EEF2: variants seen among roughly 807,000 people sequenced by gnomAD.
EEF2 encodes elongation factor 2.
A neutral mutation model predicts 85.3 loss-of-function variants in EEF2; 21 were observed. The ratio of observed to expected loss-of-function variants is 0.25; its 90% CI spans 0.17 to 0.35. EEF2 has a LOEUF of 0.35. EEF2 is among the 10% of genes least tolerant of loss of function. The pLI is 1.00. For missense variants in EEF2, 825 were observed against 1,225.3 expected (o/e 0.67, Z 4.88); for synonymous variants, 723 against 508.8 (o/e 1.42, Z -5.67).
intron 4 of EEF2, 161 bp downstream of exon 4, chr19:3,982,646 G>T: frequency 9.0e-7 from 1 of 1,106,572 alleles, no homozygotes; most frequent in Non-Finnish European, 1.3e-6. Flanking sequence ...AAAGATCAAG[G>T]GCTGGGTCAA....
chr19:3,984,500 C>A lies in EEF2; in HGVS notation c.4-150G>T, dbSNP rs1020035321. 6.4e-6 allele frequency: 5 copies of A among 777,034 alleles called. No individual in the cohort carries two copies. In the African/African-American group the frequency reaches 8.6e-5, roughly 13 times the overall value. 48.1% of individuals were successfully genotyped at this position (777,034 alleles called of 1,614,324 possible). On this transcript the variant is annotated intron_variant, in intron 1 of 14. Coordinates refer to ENST00000309311, the MANE Select transcript of EEF2 (RefSeq NM_001961.4). ...AGCCCACCGAATCTTGCCAGCCTAACACCCCTTAAGAGCCACCCCGCAATC... is the reference window on the plus strand; with the variant it reads ...AGCCCACCGAATCTTGCCAGCCTAAAACCCCTTAAGAGCCACCCCGCAATC...
chr19:3,979,105 C>A (rs1439084393), intron 11 of EEF2, among the ~76,000 whole-genome samples: 1 of 152,096 alleles, frequency 6.6e-6, no homozygotes, highest in African/African-American at 2.4e-5. Context: ...GCACTCCAGC[C>A]TGGATGACAC....
At position 3,983,223 on chromosome 19, in the gene EEF2, G is replaced by A; in HGVS notation, c.287C>T (p.Ala96Val). 1.2e-6 allele frequency: 2 copies of A among 1,614,012 alleles called. No individual in the cohort carries two copies. Among genetic ancestry groups the A allele is most frequent in the South Asian group, 1.1e-5 (1 of 91,072 alleles). The part of the protein sequence containing the change: ...LNFIKQSKDG[A>V]GFLINLIDSP... Reference sequence around the variant, plus strand: ...GTCAATGAGGTTGATGAGGAAGCCGGCACCGTCCTTGCTCTGCTTGATGAA... The same window carrying A: ...GTCAATGAGGTTGATGAGGAAGCCGACACCGTCCTTGCTCTGCTTGATGAA... Residue 96 changes from alanine to valine, a missense_variant, in exon 3 of 15, where the codon GCC becomes GTC. Coordinates refer to ENST00000309311, the MANE Select transcript of EEF2 (RefSeq NM_001961.4).
intron 1 of EEF2, 115 bp from the exon 2 acceptor site, chr19:3,984,465 G>A: frequency 8.6e-7 from 1 of 1,165,606 alleles, no homozygotes; most frequent in East Asian, 2.4e-5. Context: ...GTTGGTGCTG[G>A]GGTGCCCCAA....
At chr19:3,981,079 G>C in intron 7 of EEF2, 100 bp from the exon 8 acceptor site, 1 of 1,478,936 alleles carries the variant, frequency 6.8e-7, no homozygotes, top group Non-Finnish European at 9.0e-7. Flanking sequence ...CCAAAGTCAG[G>C]ACTAACGTTC....
intron 4 of EEF2, 56 bp from the exon 5 acceptor site, chr19:3,982,480 C>T: frequency 6.2e-7 from 1 of 1,610,430 alleles, no homozygotes; most frequent in Non-Finnish European, 8.5e-7. Flanking sequence ...GAGCCTGAAG[C>T]TACGGGCTGG....
At chr19:3,979,224 C>T (rs898367304) in intron 11 of EEF2, 105 bp downstream of exon 11, 6 of 836,242 alleles carry the variant, frequency 7.2e-6, no homozygotes, top group South Asian at 1.7e-5. Flanking sequence ...AGACCAAGAC[C>T]GAGATCAAGT....
intron 1 of EEF2, among the ~76,000 whole-genome samples, 159 bp from the exon 2 acceptor site, chr19:3,984,509 A>T (rs184348746): frequency 6.6e-6 from 1 of 152,228 alleles, no homozygotes; most frequent in South Asian, 2.1e-4. Flanking sequence ...ACACCCCTTA[A>T]GAGCCACCCC....
intron 3 of EEF2, 42 bp downstream of exon 3, chr19:3,983,067 GC>G (rs1360633930): frequency 6.2e-7 from 1 of 1,611,270 alleles, no homozygotes; most frequent in Non-Finnish European, 8.5e-7. Flanking sequence ...AGCAAGGATG[GC>G]CCCCGGTTCC....
intron 9 of EEF2, 149 bp downstream of exon 9, chr19:3,980,365 C>A (rs561762409): frequency 3.7e-5 from 40 of 1,089,650 alleles, no homozygotes; most frequent in East Asian, 2.1e-4. Context: ...CCTCACTGGG[C>A]TAAGAACAAA....
At chr19:3,981,027 G>A (rs1047456887) in intron 7 of EEF2, 48 bp from the exon 8 acceptor site, 29 of 1,540,072 alleles carry the variant, frequency 1.9e-5, no homozygotes, top group African/African-American at 1.5e-4. Context: ...AGCCCAGGAT[G>A]GCCCCACCCC....
intron 1 of EEF2, among the ~76,000 whole-genome samples, chr19:3,984,630 C>G (rs2145367998): frequency 6.6e-6 from 1 of 152,334 alleles, no homozygotes; most frequent in Admixed American, 6.5e-5. Flanking sequence ...ATACCAGGTA[C>G]AAATACTAAA....
At position 3,982,138 on chromosome 19, in the gene EEF2, C is replaced by G. The variant is rs1282590662; in HGVS notation, c.792-86G>C. The stretch of plus-strand genomic sequence containing the variant: ...TGGTCGCCAAGGGGACATGCTTGGG[C>G]AAGACCTGGTGGGCTTGAGCCACGC... On this transcript the variant is annotated intron_variant, in intron 5 of 14. Coordinates refer to ENST00000309311, the MANE Select transcript of EEF2 (RefSeq NM_001961.4). 6.9e-6 allele frequency: 11 copies of G among 1,598,464 alleles called. No homozygotes were observed. In the African/African-American group the frequency reaches 1.2e-4, roughly 18 times the overall value.
At chr19:3,976,821 T>G (rs1018724730) in intron 14 of EEF2, 74 bp from the exon 15 acceptor site, 2 of 1,418,282 alleles carry the variant, frequency 1.4e-6, no homozygotes, top group Non-Finnish European at 1.9e-6. Flanking sequence ...TGTCAGGAGC[T>G]CAGGCTAGTT....
chr19:3,981,530 G>T, intron 6 of EEF2, 78 bp from the exon 7 acceptor site: 1 of 1,371,626 alleles, frequency 7.3e-7, no homozygotes. Context: ...CTGCTTGGAA[G>T]ACTCAGGTCA....
At chr19:3,978,258 A>C in intron 11 of EEF2, 86 bp from the exon 12 acceptor site, 2 of 1,232,280 alleles carry the variant, frequency 1.6e-6, no homozygotes, top group African/African-American at 1.5e-5. Context: ...TTTCCTAGCA[A>C]GGCGGACCTC....
rs542049090 is a variant in EEF2, at chr19:3,985,437, A to C, written c.-57T>G. ...GAACCGAAAGAAGCGAGTCGCGCCG[A>C]GGATGGCGGCGACGACGGCGGAAGA... On this transcript the variant is annotated 5_prime_UTR_variant, in exon 1 of 15. Coordinates refer to ENST00000309311, the MANE Select transcript of EEF2 (RefSeq NM_001961.4). 4 of 1,453,486 alleles carry C rather than the reference A, an allele frequency of 2.8e-6. No homozygotes were observed. Among genetic ancestry groups the C allele is most frequent in the African/African-American group, 1.5e-5 (1 of 68,596 alleles). 90.0% of individuals were successfully genotyped at this position (1,453,486 alleles called of 1,614,324 possible).
At chr19:3,982,538 T>A (rs995572492) in intron 4 of EEF2, 114 bp from the exon 5 acceptor site, 4 of 1,353,708 alleles carry the variant, frequency 3.0e-6, no homozygotes, top group Admixed American at 3.4e-5. Context: ...AGTAGACATC[T>A]GGTCAAAGTG....
rs1344945394 is a variant in EEF2 at position 3,980,081 on chromosome 19, AGGC to A, written c.1347-18_1347-16del. 5 of 1,607,690 alleles carry A rather than the reference AGGC, an allele frequency of 3.1e-6. No homozygotes were observed. The highest frequency in any genetic ancestry group is 4.2e-6 in the Non-Finnish European group (5 of 1,176,986). On this transcript the variant is annotated splice_polypyrimidine_tract_variant and intron_variant, in intron 9 of 14. Transcript: ENST00000309311. The stretch of plus-strand genomic sequence containing the variant: ...TCAAGATTGTTCTGGAAGAAGCAGA[AGGC>A]GGCAGCAGGCCGCAGGGATGGTTGT...
Sources: gnomAD v4.1 joint callset for allele counts (sites outside exome capture counted in the v4.1 genomes callset) on GRCh38, gnomAD v4.1.1 for gene constraint, MANE v1.5 for transcripts, NCBI Gene and HGNC (gene_info 2026-07-23, HGNC 2026-07-21) for gene names.